The following GXYLT2 variants were observed in gnomAD, a reference collection of about 807,000 sequenced individuals.
GXYLT2 encodes glucoside xylosyltransferase 2.
GXYLT2 carries 53 observed loss-of-function variants against 45.8 expected under a neutral mutation model. That is an observed-to-expected ratio of 1.16 (90% CI 0.93 to 1.46). The LOEUF (loss-of-function observed/expected upper bound fraction) is 1.46, where lower values mean the gene tolerates loss of function less well. GXYLT2 is among the 40% of genes most tolerant of loss of function. The probability of loss-of-function intolerance (pLI) is 0.00; values close to 1 mark genes in which losing one functional copy is unlikely to be tolerated. For synonymous variants in GXYLT2, 219 were observed against 214.2 expected, an observed-to-expected ratio of 1.02 and a Z score of -0.19; for missense variants, 551 against 544.4, an observed-to-expected ratio of 1.01 and a Z score of -0.12.
intron 2 of GXYLT2, among the ~76,000 whole-genome samples, chr3:72,921,109 C>T (rs1167565144): frequency 6.6e-6 from 1 of 152,022 alleles, no homozygotes; most frequent in African/African-American, 2.4e-5. Context: ...GTGTGAGCCA[C>T]CACGCCCGGC....
At position 72,925,132 on chromosome 3, in the gene GXYLT2, A is replaced by G. The variant is rs183911256; in HGVS notation, c.600+2797A>G. Among the ~76,000 whole-genome samples, 4 of 151,050 alleles carry G rather than the reference A, an allele frequency of 2.6e-5. No homozygotes were observed. The East Asian group carries it at 7.8e-4, about 29-fold the overall frequency. On this transcript the variant is annotated intron_variant, in intron 3 of 6. Transcript: ENST00000389617. ...ATCAGCTGCCCAAGCTCACTTGCTC[A>G]TTATGTCATCTATTTTTCTTTTTCT...
At chr3:72,968,098 C>G (rs1710902539) in intron 6 of GXYLT2, among the ~76,000 whole-genome samples, 2 of 152,290 alleles carry the variant, frequency 1.3e-5, no homozygotes, top group Admixed American at 1.3e-4. Flanking sequence ...CTCAGCCTCC[C>G]AAGTAGCTGG....
intron 3 of GXYLT2, among the ~76,000 whole-genome samples, chr3:72,949,735 T>C (rs1710480817): frequency 6.6e-6 from 1 of 151,772 alleles, no homozygotes; most frequent in Non-Finnish European, 1.5e-5. Flanking sequence ...GGATGGTCTT[T>C]ATGTCTTGAC....
At chr3:72,939,880 C>T (rs1710268932) in intron 3 of GXYLT2, among the ~76,000 whole-genome samples, 1 of 152,094 alleles carries the variant, frequency 6.6e-6, no homozygotes, top group African/African-American at 2.4e-5. Context: ...TAAGGTTTTG[C>T]CATGTTGCCC....
intron 1 of GXYLT2, among the ~76,000 whole-genome samples, chr3:72,901,545 A>T (rs1434869069): frequency 2.1e-5 from 3 of 146,114 alleles, no homozygotes; most frequent in Non-Finnish European, 4.5e-5. Flanking sequence ...GAATTTCAGA[A>T]CATTTTCGCT....
intron 1 of GXYLT2, among the ~76,000 whole-genome samples, chr3:72,901,011 G>A (rs902330182): frequency 1.3e-5 from 2 of 151,310 alleles, no homozygotes; most frequent in Non-Finnish European, 2.9e-5. Context: ...AAAATTGGCC[G>A]GGTATGGTGG....
At chr3:72,943,028 T>G (rs115766871) in intron 3 of GXYLT2, among the ~76,000 whole-genome samples, 1 of 152,186 alleles carries the variant, frequency 6.6e-6, no homozygotes, top group Non-Finnish European at 1.5e-5. Context: ...TTACACCTCT[T>G]CTGTAAATTT....
intron 3 of GXYLT2, among the ~76,000 whole-genome samples, chr3:72,931,567 A>C (rs1194911599): frequency 6.6e-6 from 1 of 152,126 alleles, no homozygotes; most frequent in Non-Finnish European, 1.5e-5. Context: ...AATTGCTTTA[A>C]GAAGAAACTA....
At chr3:72,919,739 C>T (rs771574760) in intron 2 of GXYLT2, among the ~76,000 whole-genome samples, 1 of 152,036 alleles carries the variant, frequency 6.6e-6, no homozygotes, top group Non-Finnish European at 1.5e-5. Context: ...TGGATGACAG[C>T]GCGAGACTCT....
intron 1 of GXYLT2, among the ~76,000 whole-genome samples, chr3:72,904,495 T>G (rs1709466766): frequency 6.6e-6 from 1 of 152,176 alleles, no homozygotes; most frequent in South Asian, 2.1e-4. Flanking sequence ...AGGTTTTATT[T>G]TTCTTTAGTA....
At position 72,926,566 on chromosome 3, in the gene GXYLT2, C is replaced by T. The variant is rs541138518; in HGVS notation, c.600+4231C>T. 3.9e-5 allele frequency among the ~76,000 whole-genome samples: 6 copies of T among 152,330 alleles called. No homozygotes were observed. In the South Asian group the frequency reaches 8.3e-4, roughly 21 times the overall value. ...CTTAGTACAGGCCAGAAATCCTTTA[C>T]ATCTGTAAGAGTAATTGAGTTGTAT... is the stretch of plus-strand genomic sequence containing the variant. On this transcript the variant is annotated intron_variant, in intron 3 of 6. Transcript: ENST00000389617.
chr3:72,969,910 A>G (rs1041229297), intron 6 of GXYLT2, among the ~76,000 whole-genome samples: 1 of 31,220 alleles, frequency 3.2e-5, no homozygotes, highest in Admixed American at 3.7e-4. Flanking sequence ...TGTGCATTTG[A>G]AAAAAAAAAA....
Position 72,936,967 on chromosome 3 carries a change from A to G in GXYLT2, c.600+14632A>G, listed in dbSNP as rs1710196037. Reference sequence around the variant, plus strand: ...TAGACACACAGAGGTATATACCTACAGAATCAATTTAAATAATTGGAATTG... The same window carrying G: ...TAGACACACAGAGGTATATACCTACGGAATCAATTTAAATAATTGGAATTG... On this transcript the variant is annotated intron_variant, in intron 3 of 6. Coordinates refer to ENST00000389617, the MANE Select transcript of GXYLT2 (RefSeq NM_001080393.2). Among the ~76,000 whole-genome samples, 3 of 152,350 alleles carry G rather than the reference A, an allele frequency of 2.0e-5. No individual in the cohort carries two copies. The East Asian group carries it at 5.8e-4, about 29-fold the overall frequency.
At chr3:72,971,158 A>G (rs1461746027) in intron 6 of GXYLT2, among the ~76,000 whole-genome samples, 1 of 152,010 alleles carries the variant, frequency 6.6e-6, no homozygotes, top group Non-Finnish European at 1.5e-5. Flanking sequence ...CCTGGTTTGG[A>G]GTTGAGCAGT....
chr3:72,956,132 T>A (rs1045022737), intron 4 of GXYLT2, among the ~76,000 whole-genome samples: 1 of 152,070 alleles, frequency 6.6e-6, no homozygotes, highest in African/African-American at 2.4e-5. Flanking sequence ...GTGGCTGTAG[T>A]CTCAGCTACT....
chr3:72,888,732 G>A (rs570599851), intron 1 of GXYLT2, among the ~76,000 whole-genome samples: 1 of 152,218 alleles, frequency 6.6e-6, no homozygotes, highest in Non-Finnish European at 1.5e-5. Context: ...AAGTGTCAAG[G>A]AAAGTGGTTT....
intron 2 of GXYLT2, among the ~76,000 whole-genome samples, chr3:72,918,441 AC>A (rs1477130387): frequency 6.6e-6 from 1 of 152,182 alleles, no homozygotes; most frequent in Non-Finnish European, 1.5e-5. Flanking sequence ...AAAACAAACA[AC>A]CTTGTAATAA....
At chr3:72,959,229 T>C (rs1040915541) in intron 5 of GXYLT2, among the ~76,000 whole-genome samples, 1 of 150,178 alleles carries the variant, frequency 6.7e-6, no homozygotes, top group African/African-American at 2.5e-5. Context: ...GCAATTCTTC[T>C]GCCTCAGCCT....
At chr3:72,934,534 AAT>A (rs1376715148) in intron 3 of GXYLT2, among the ~76,000 whole-genome samples, 1 of 152,206 alleles carries the variant, frequency 6.6e-6, no homozygotes, top group African/African-American at 2.4e-5. Context: ...CCCCAAAGCC[AAT>A]GAATTAGCGG....
Sources: allele counts gnomAD v4.1 joint callset (sites outside exome capture counted in the v4.1 genomes callset), GRCh38; gene constraint gnomAD v4.1.1; transcripts MANE v1.5; gene names NCBI Gene and HGNC (gene_info 2026-07-23, HGNC 2026-07-21).